Variants in CNTN5 observed in about 807,000 individuals in gnomAD.
CNTN5 encodes the protein contactin-5.
Under a neutral mutation model 129.1 loss-of-function variants are expected in CNTN5, and 77 were observed. That is an observed-to-expected ratio of 0.60 (90% CI 0.50 to 0.72). CNTN5 has a LOEUF of 0.72. Among genes scored for constraint, CNTN5 ranks in the 30% least tolerant of loss-of-function variants. The pLI is 0.00. For synonymous variants in CNTN5, 509 were observed against 465.6 expected (o/e 1.09, Z -1.20); for missense variants, 1,478 against 1,328.8 (o/e 1.11, Z -1.75).
intron 1 of CNTN5, among the ~76,000 whole-genome samples, chr11:99,182,327 G>C (rs1284672689): frequency 2.0e-5 from 3 of 152,140 alleles, no homozygotes; most frequent in Non-Finnish European, 4.4e-5. Flanking sequence ...CAATAAAGAG[G>C]AATGAAGCAC....
intron 2 of CNTN5, among the ~76,000 whole-genome samples, chr11:99,416,273 A>G (rs989889372): frequency 4.6e-5 from 7 of 152,112 alleles, no homozygotes; most frequent in African/African-American, 1.7e-4. Context: ...ATAAAAAAGG[A>G]GCATTCTAAT....
chr11:99,676,473 A>G (rs1953288683), intron 3 of CNTN5, among the ~76,000 whole-genome samples: 2 of 152,328 alleles, frequency 1.3e-5, no homozygotes, highest in South Asian at 2.1e-4. Context: ...TTTCTTTCTC[A>G]TAGGCCCCTC....
At chr11:99,874,913 T>C (rs1948594211) in intron 6 of CNTN5, among the ~76,000 whole-genome samples, 2 of 152,164 alleles carry the variant, frequency 1.3e-5, no homozygotes, top group African/African-American at 2.4e-5. Context: ...ATGACCCTAA[T>C]AGTCTGTGCC....
At chr11:100,012,598 A>G (rs1179884600) in intron 9 of CNTN5, among the ~76,000 whole-genome samples, 1 of 152,188 alleles carries the variant, frequency 6.6e-6, no homozygotes, top group Non-Finnish European at 1.5e-5. Flanking sequence ...CTGCCTCAGG[A>G]GAGAAACTGT....
intron 18 of CNTN5, among the ~76,000 whole-genome samples, chr11:100,278,582 G>A (rs1482464478): frequency 6.6e-6 from 1 of 151,870 alleles, no homozygotes; most frequent in Non-Finnish European, 1.5e-5. Context: ...AATAAGATAA[G>A]TTTCTTGATT....
intron 6 of CNTN5, among the ~76,000 whole-genome samples, chr11:99,878,729 G>A (rs1948696913): frequency 6.6e-6 from 1 of 151,996 alleles, no homozygotes; most frequent in Non-Finnish European, 1.5e-5. Context: ...GGTGGCGCGT[G>A]CCTGTAGTCC....
At chr11:100,079,834 A>C (rs1380591556) in intron 13 of CNTN5, among the ~76,000 whole-genome samples, 1 of 152,158 alleles carries the variant, frequency 6.6e-6, no homozygotes, top group African/African-American at 2.4e-5. Flanking sequence ...GCAGACCTTC[A>C]TTCAGAATGT....
At chr11:99,580,526 C>A (rs1192956130) in intron 3 of CNTN5, among the ~76,000 whole-genome samples, 4 of 152,136 alleles carry the variant, frequency 2.6e-5, no homozygotes, top group African/African-American at 4.8e-5. Context: ...TTGGTCTATT[C>A]AGATATTCAA....
At chr11:100,318,242 G>GAAAAAAAAA (rs66824133) in intron 21 of CNTN5, among the ~76,000 whole-genome samples, 1 of 76,752 alleles carries the variant, frequency 1.3e-5, no homozygotes, top group Non-Finnish European at 2.7e-5. Context: ...CTCTGTCTCA[G>GAAAAAAAAA]AAAAAAAAAA....
intron 2 of CNTN5, among the ~76,000 whole-genome samples, chr11:99,552,765 T>C (rs908373331): frequency 1.3e-5 from 2 of 152,094 alleles, no homozygotes; most frequent in African/African-American, 4.8e-5. Flanking sequence ...TGGGCAAAAC[T>C]GTATAGAATT....
chr11:100,035,078 G>A (rs144685985), intron 9 of CNTN5, among the ~76,000 whole-genome samples: 4 of 151,822 alleles, frequency 2.6e-5, no homozygotes, highest in African/African-American at 4.8e-5. Context: ...CCATTAACTC[G>A]TCATTTAGCA....
intron 3 of CNTN5, among the ~76,000 whole-genome samples, chr11:99,782,634 A>T (rs1022177749): frequency 2.4e-4 from 36 of 152,116 alleles, no homozygotes; most frequent in African/African-American, 8.4e-4. Flanking sequence ...ACAGAGATAT[A>T]GATCAATGGA....
chr11:99,258,911 A>C (rs1228793444), intron 1 of CNTN5, among the ~76,000 whole-genome samples: 1 of 151,898 alleles, frequency 6.6e-6, no homozygotes, highest in Non-Finnish European at 1.5e-5. Flanking sequence ...AAAATTACTC[A>C]TATCCAAAAG....
At chr11:99,695,134 G>A (rs1954214859) in intron 3 of CNTN5, among the ~76,000 whole-genome samples, 1 of 151,932 alleles carries the variant, frequency 6.6e-6, no homozygotes, top group African/African-American at 2.4e-5. Context: ...TTAGGTAGAA[G>A]GGTAATAGAG....
At chr11:99,451,623 T>G (rs1257892211) in intron 2 of CNTN5, among the ~76,000 whole-genome samples, 1 of 152,194 alleles carries the variant, frequency 6.6e-6, no homozygotes, top group Non-Finnish European at 1.5e-5. Context: ...GAATTATTTT[T>G]TTGCCGTGTC....
chr11:99,943,383 G>GT (rs1277792594), intron 7 of CNTN5, among the ~76,000 whole-genome samples: 4 of 151,774 alleles, frequency 2.6e-5, no homozygotes, highest in African/African-American at 4.8e-5. Flanking sequence ...TGATGGGGTT[G>GT]TGTTTTTTCT....
chr11:100,207,753 G>C (rs1160875333), intron 15 of CNTN5, among the ~76,000 whole-genome samples: 1 of 152,208 alleles, frequency 6.6e-6, no homozygotes, highest in African/African-American at 2.4e-5. Context: ...GACATGCTTT[G>C]CTCACTGAGC....
intron 8 of CNTN5, among the ~76,000 whole-genome samples, chr11:99,982,006 G>T (rs374452926): frequency 3.9e-5 from 6 of 152,154 alleles, no homozygotes; most frequent in Non-Finnish European, 5.9e-5. Flanking sequence ...TTGTAGGATG[G>T]ATCCATCGAT....
intron 2 of CNTN5, among the ~76,000 whole-genome samples, chr11:99,523,411 G>A (rs777510294): frequency 1.3e-5 from 2 of 151,898 alleles, no homozygotes; most frequent in African/African-American, 2.4e-5. Context: ...CCTAGGCGAC[G>A]TGGCGAAACC....
Sources: gnomAD v4.1 joint callset for allele counts (sites outside exome capture counted in the v4.1 genomes callset) on GRCh38, gnomAD v4.1.1 for gene constraint, MANE v1.5 for transcripts, NCBI Gene and HGNC (gene_info 2026-07-23, HGNC 2026-07-21) for gene names.